Variants in LRRC4C observed in about 807,000 individuals in gnomAD.
LRRC4C encodes leucine rich repeat containing 4C, also known as leucine-rich repeat-containing protein 4C.
A neutral mutation model predicts 33.6 loss-of-function variants in LRRC4C; 5 were observed. The observed-to-expected ratio is 0.15, with a 90% CI of 0.08 to 0.31. The LOEUF is 0.31. LRRC4C is among the 10% of genes least tolerant of loss of function. LRRC4C has a pLI of 1.00. For synonymous variants in LRRC4C, 329 were observed against 302.0 expected (o/e 1.09, Z -0.93); for missense variants, 560 against 796.7 (o/e 0.70, Z 3.58).
chr11:40,541,149 G>A (rs1445973809), intron 3 of LRRC4C, among the ~76,000 whole-genome samples: 1 of 152,086 alleles, frequency 6.6e-6, no homozygotes, highest in Non-Finnish European at 1.5e-5. Context: ...TTATAATCCA[G>A]GGTTAACTTG....
Position 40,370,864 on chromosome 11 carries a change from T to C in LRRC4C, c.-269-51143A>G, listed in dbSNP as rs372800589. On this transcript the variant is annotated intron_variant, in intron 3 of 6. Transcript: ENST00000528697. ...AAAAATGAAATAAAATAAAAATTTA[T>C]TTTAAATTCACTGCAGTTATGCAGG... Among the ~76,000 whole-genome samples the C allele has an allele frequency of 2.0e-5, 3 of 152,236 alleles. No individual in the cohort carries two copies. The East Asian group carries it at 5.8e-4, about 29-fold the overall frequency.
At chr11:40,515,317 A>T (rs1484388828) in intron 3 of LRRC4C, among the ~76,000 whole-genome samples, 1 of 152,118 alleles carries the variant, frequency 6.6e-6, no homozygotes. Flanking sequence ...TGTCGAAAGG[A>T]AACCCTCAGA....
intron 2 of LRRC4C, among the ~76,000 whole-genome samples, chr11:40,740,364 A>C (rs570419169): frequency 6.6e-6 from 1 of 152,144 alleles, no homozygotes; most frequent in South Asian, 2.1e-4. Context: ...TCTAACAAGA[A>C]GAATATGATA....
intron 1 of LRRC4C, among the ~76,000 whole-genome samples, chr11:41,037,303 C>A (rs752560540): frequency 3.3e-5 from 5 of 149,922 alleles, no homozygotes; most frequent in African/African-American, 4.9e-5. Flanking sequence ...TCTGATAATG[C>A]CTCAATGGAA....
chr11:40,384,530 CA>C (rs1314461760), intron 3 of LRRC4C, among the ~76,000 whole-genome samples: 1 of 152,134 alleles, frequency 6.6e-6, no homozygotes, highest in Non-Finnish European at 1.5e-5. Context: ...AACCAGGATT[CA>C]AACTTCTAGT....
chr11:40,719,673 G>T (rs1021968671), intron 2 of LRRC4C, among the ~76,000 whole-genome samples: 2 of 152,140 alleles, frequency 1.3e-5, no homozygotes, highest in Non-Finnish European at 2.9e-5. Context: ...TTTTAATATT[G>T]CTCCCCATCC....
In LRRC4C at chr11:41,058,717, A is replaced by C. The variant is rs118167461; in HGVS notation, c.-495-124994T>G. On this transcript the variant is annotated intron_variant, in intron 1 of 6. Transcript: ENST00000528697. ...GCAACCTGTTATTGATAATGTACTC[A>C]AAGGAATATAAATTTTTCTACCATG... Among the ~76,000 whole-genome samples the C allele has an allele frequency of 1.5e-3, 233 of 152,380 alleles. 1 individual carries two copies. The highest frequency in any genetic ancestry group is 0.014 in the East Asian group (74 of 5,186).
chr11:41,379,603 C>G (rs1391747296), intron 1 of LRRC4C, among the ~76,000 whole-genome samples: 5 of 152,000 alleles, frequency 3.3e-5, no homozygotes, highest in South Asian at 4.1e-4. Context: ...AAGTCCTTCC[C>G]TAGCCTTGAG....
chr11:40,295,897 A>G (rs1330413402), intron 4 of LRRC4C, among the ~76,000 whole-genome samples: 3 of 152,192 alleles, frequency 2.0e-5, no homozygotes, highest in African/African-American at 4.8e-5. Flanking sequence ...TTATATGCTA[A>G]TTATAGTTTA....
At chr11:40,259,277 ATTTG>A (rs1183729308) in intron 4 of LRRC4C, among the ~76,000 whole-genome samples, 82 of 151,598 alleles carry the variant, frequency 5.4e-4, no homozygotes, top group African/African-American at 1.9e-3. Context: ...TTTCTTGTAA[ATTTG>A]TTTGAGTTCA....
In LRRC4C at chr11:40,502,736, C is replaced by T. The variant is rs924221702; in HGVS notation, c.-270+145406G>A. 2.0e-5 allele frequency among the ~76,000 whole-genome samples: 3 copies of T among 152,122 alleles called. No homozygotes were observed. In the East Asian group the frequency reaches 5.8e-4, roughly 29 times the overall value. On this transcript the variant is annotated intron_variant, in intron 3 of 6. Coordinates refer to ENST00000528697, the MANE Select transcript of LRRC4C (RefSeq NM_001258419.2). ...AGCATGCATCTCTATAAATATGTAG[C>T]TCTGCCTTATGACTAATAGTTTTAT...
chr11:40,357,261 T>C (rs894377346), intron 3 of LRRC4C, among the ~76,000 whole-genome samples: 1 of 152,164 alleles, frequency 6.6e-6, no homozygotes, highest in Non-Finnish European at 1.5e-5. Context: ...TTATATTTTA[T>C]TGTCAAAGCC....
At chr11:41,223,699 G>C (rs751058259) in intron 1 of LRRC4C, among the ~76,000 whole-genome samples, 52 of 152,158 alleles carry the variant, frequency 3.4e-4, no homozygotes, top group Admixed American at 6.5e-5. Flanking sequence ...TCTAGTAAAG[G>C]CTGAGATGGC....
At chr11:40,394,717 CAAAA>C (rs937859221) in intron 3 of LRRC4C, among the ~76,000 whole-genome samples, 40 of 151,888 alleles carry the variant, frequency 2.6e-4, no homozygotes, top group African/African-American at 9.2e-4. Context: ...ATAGAAGAGG[CAAAA>C]GAAAGAGAGG....
At chr11:40,894,437 C>A (rs992772224) in intron 2 of LRRC4C, among the ~76,000 whole-genome samples, 8 of 152,058 alleles carry the variant, frequency 5.3e-5, no homozygotes, top group Non-Finnish European at 1.2e-4. Context: ...GTTAGAAATG[C>A]AACATGATCC....
chr11:40,289,259 C>T (rs1565234878), intron 4 of LRRC4C, among the ~76,000 whole-genome samples: 1 of 152,088 alleles, frequency 6.6e-6, no homozygotes, highest in Non-Finnish European at 1.5e-5. Flanking sequence ...CCAAGTATAA[C>T]CATAACAAAC....
chr11:41,126,592 C>T (rs1329204555), intron 1 of LRRC4C, among the ~76,000 whole-genome samples: 2 of 151,994 alleles, frequency 1.3e-5, no homozygotes, highest in Admixed American at 1.3e-4. Flanking sequence ...AAGAACCATA[C>T]TTCCTAGTAT....
intron 2 of LRRC4C, among the ~76,000 whole-genome samples, chr11:40,773,386 A>T (rs1218479496): frequency 6.6e-6 from 1 of 152,156 alleles, no homozygotes; most frequent in Non-Finnish European, 1.5e-5. Context: ...AAAAAATGGT[A>T]AACACTTGGG....
chr11:40,927,761 T>C (rs1364098238), intron 2 of LRRC4C, among the ~76,000 whole-genome samples: 2 of 152,024 alleles, frequency 1.3e-5, no homozygotes, highest in East Asian at 1.9e-4. Context: ...TACAACTAAA[T>C]TGTGTTTTTG....
Sources: gnomAD v4.1 joint callset for allele counts (sites outside exome capture counted in the v4.1 genomes callset) on GRCh38, gnomAD v4.1.1 for gene constraint, MANE v1.5 for transcripts, NCBI Gene and HGNC (gene_info 2026-07-23, HGNC 2026-07-21) for gene names.